Variants in INTS4 observed in about 807,000 individuals in gnomAD.
INTS4 encodes MSTP093.
INTS4 carries 70 observed loss-of-function variants against 119.5 expected under a neutral mutation model. That is an observed-to-expected ratio of 0.59 (90% confidence interval 0.48 to 0.71). The LOEUF is 0.71. INTS4 is among the 30% of genes least tolerant of loss of function. The probability of loss-of-function intolerance (pLI) is 0.00; values close to 1 mark genes in which losing one functional copy is unlikely to be tolerated. For missense variants in INTS4, 867 were observed against 1,173.2 expected (o/e 0.74, Z 3.81); for synonymous variants, 316 against 419.6 (o/e 0.75, Z 3.02).
At chr11:77,886,760 G>A (rs1033259890) in intron 21 of INTS4, among the ~76,000 whole-genome samples, 2 of 143,768 alleles carry the variant, frequency 1.4e-5, no homozygotes, top group South Asian at 4.5e-4. Context: ...CCGGCGAGGG[G>A]GCGGGGCAGG....
intron 15 of INTS4, among the ~76,000 whole-genome samples, chr11:77,913,307 A>T (rs865916732): frequency 4.1e-5 from 5 of 122,796 alleles, no homozygotes; most frequent in South Asian, 2.5e-4. Context: ...GTTAGTTTAA[A>T]TTTTTTTTTT....
chr11:77,926,029 A>C (rs1369131248), intron 11 of INTS4, among the ~76,000 whole-genome samples: 1 of 152,200 alleles, frequency 6.6e-6, no homozygotes, highest in Non-Finnish European at 1.5e-5. Flanking sequence ...TCACCATCTG[A>C]AATCATTTTG....
chr11:77,967,967 A>G (rs1417434238), intron 4 of INTS4, among the ~76,000 whole-genome samples: 2 of 152,202 alleles, frequency 1.3e-5, no homozygotes, highest in Non-Finnish European at 2.9e-5. Context: ...ACCCAAACCT[A>G]GATTGTAAAG....
rs1953455730 is a variant in INTS4 at position 77,924,850 on chromosome 11, A to AT, written c.1413dup (p.Cys472MetfsTer4). On this transcript the variant is annotated frameshift_variant, in exon 12 of 23. Transcript: ENST00000534064. LOFTEE classifies it high-confidence loss of function. ...TCTTTGGTTGAAACATTAGTACAGCATAAGAGTTCATGAAGAGCCTCTCGA... is the reference window on the plus strand; with the variant it reads ...TCTTTGGTTGAAACATTAGTACAGCATTAAGAGTTCATGAAGAGCCTCTCGA... 2 of 1,594,136 alleles carry AT rather than the reference A, an allele frequency of 1.3e-6. No homozygotes were observed. The highest frequency in any genetic ancestry group is 8.6e-7 in the Non-Finnish European group (1 of 1,162,844).
chr11:77,928,408 C>T lies in INTS4; in HGVS notation c.1305G>A (p.Met435Ile). 6.2e-7 allele frequency: 1 copy of T among 1,611,636 alleles called. No individual in the cohort carries two copies. Among genetic ancestry groups the T allele is most frequent in the Non-Finnish European group, 8.5e-7 (1 of 1,178,258 alleles). Reference sequence around the variant, plus strand: ...GGGTGATGTTGTTAGAGATTTTTCTCATGGTATGTATAGACTGCAGACGTA... The same window carrying T: ...GGGTGATGTTGTTAGAGATTTTTCTTATGGTATGTATAGACTGCAGACGTA... ...EEVRLQSIHT[M>I]RKISNNITLR... Residue 435 changes from methionine (M) to isoleucine (I), a missense_variant, in exon 11 of 23, where the codon ATG becomes ATA. Physicochemically the swap from Met to Ile is conservative, Grantham distance 10. Coordinates refer to ENST00000534064, the MANE Select transcript of INTS4 (RefSeq NM_033547.4).
In INTS4 at chr11:77,923,442, G is replaced by C. The variant is rs1953415417; in HGVS notation, c.1515-971C>G. 2.0e-5 allele frequency among the ~76,000 whole-genome samples: 3 copies of C among 151,898 alleles called. No individual in the cohort carries two copies. The South Asian group carries it at 6.2e-4, about 31-fold the overall frequency. ...TTGTTATGAAAAAACAGACTTATTG[G>C]CTAAGATATTTTTAATCAGATTGTC... On this transcript the variant is annotated intron_variant, in intron 12 of 22. Transcript: ENST00000534064.
chr11:77,907,312 G>A (rs1272513668), intron 16 of INTS4, among the ~76,000 whole-genome samples: 3 of 152,132 alleles, frequency 2.0e-5, no homozygotes, highest in Non-Finnish European at 4.4e-5. Flanking sequence ...GAGCTCAAGC[G>A]ATCCTCCTGC....
In INTS4 at chr11:77,949,520, A is replaced by AC. The variant is rs1491442630; in HGVS notation, c.918+6421_918+6422insG. The stretch of plus-strand genomic sequence containing the variant: ...CTACAAAGAACTTAAACAAATTTAC[A>AC]AAAAAAAAAAAAAAAACCATCAAAA... On this transcript the variant is annotated intron_variant, in intron 8 of 22. Coordinates refer to ENST00000534064, the MANE Select transcript of INTS4 (RefSeq NM_033547.4). Among the ~76,000 whole-genome samples, 110 of 86,572 alleles carry AC rather than the reference A, an allele frequency of 1.3e-3. 1 individual carries two copies. The highest frequency in any genetic ancestry group is 5.2e-3 in the African/African-American group (105 of 20,030). 56.8% of individuals were successfully genotyped at this position (86,572 alleles called of 152,430 possible).
intron 2 of INTS4, among the ~76,000 whole-genome samples, chr11:77,982,476 T>A (rs1856284012): frequency 1.3e-5 from 2 of 152,140 alleles, no homozygotes; most frequent in South Asian, 4.2e-4. Flanking sequence ...TGATTAGAAG[T>A]CTGGAGGAGG....
rs112991270 is a variant in INTS4 at position 77,961,443 on chromosome 11, G to C, written c.472-305C>G. ...GGTACTTTAAAATTCGTCCCTGATT[G>C]CGTTTTATTTGCTTTCAAATTTTAA... is the stretch of plus-strand genomic sequence containing the variant. On this transcript the variant is annotated intron_variant, in intron 4 of 22. Coordinates refer to ENST00000534064, the MANE Select transcript of INTS4 (RefSeq NM_033547.4). 6.2e-3 allele frequency among the ~76,000 whole-genome samples: 943 copies of C among 152,146 alleles called. 10 individuals carry two copies. The highest frequency in any genetic ancestry group is 0.022 in the African/African-American group (894 of 41,516).
intron 12 of INTS4, among the ~76,000 whole-genome samples, chr11:77,923,107 C>A (rs1416018687): frequency 6.6e-6 from 1 of 152,048 alleles, no homozygotes; most frequent in African/African-American, 2.4e-5. Flanking sequence ...ATCAGGAGGT[C>A]AAGAGATCAA....
chr11:77,922,313 T>C, intron 13 of INTS4, 43 bp downstream of exon 13: 1 of 1,540,480 alleles, frequency 6.5e-7, no homozygotes, highest in Middle Eastern at 2.4e-4. Context: ...ATGCCAAAGC[T>C]GCCTGCCAAC....
chr11:77,877,659 T>C (rs1253947117), downstream of INTS4, among the ~76,000 whole-genome samples: 2 of 152,234 alleles, frequency 1.3e-5, no homozygotes, highest in African/African-American at 4.8e-5. Context: ...ATTTGGCTAT[T>C]GTGAAGATTA....
chr11:77,989,716 C>T (rs1288040591), intron 2 of INTS4, among the ~76,000 whole-genome samples: 1 of 150,412 alleles, frequency 6.6e-6, no homozygotes, highest in African/African-American at 2.4e-5. Flanking sequence ...ATAGCAAAGC[C>T]CTGTCTCTAC....
intron 10 of INTS4, among the ~76,000 whole-genome samples, chr11:77,937,041 C>T (rs1327338825): frequency 6.6e-6 from 1 of 151,736 alleles, no homozygotes; most frequent in South Asian, 2.1e-4. Context: ...CGAGAGTGGT[C>T]GCGGGCACCT....
chr11:77,909,100 G>A lies in INTS4; in HGVS notation c.1923-1290C>T, dbSNP rs1423498166. 4.6e-5 allele frequency among the ~76,000 whole-genome samples: 7 copies of A among 152,136 alleles called. No individual in the cohort carries two copies. In the South Asian group the frequency reaches 1.0e-3, roughly 23 times the overall value. The stretch of plus-strand genomic sequence containing the variant: ...TTGGTGTGTCTGTCTGTCTCTCGCC[G>A]GACTGGGCAAGGATGTTTATAGCCC... On this transcript the variant is annotated intron_variant, in intron 15 of 22. Coordinates refer to ENST00000534064, the MANE Select transcript of INTS4 (RefSeq NM_033547.4).
chr11:77,961,413 G>T (rs1337932759), intron 4 of INTS4, among the ~76,000 whole-genome samples: 2 of 152,060 alleles, frequency 1.3e-5, no homozygotes, highest in African/African-American at 4.8e-5. Context: ...GCCTTGTACA[G>T]AGTAGGTACT....
intron 11 of INTS4, among the ~76,000 whole-genome samples, chr11:77,927,792 T>C (rs957323409): frequency 8.5e-5 from 13 of 152,348 alleles, no homozygotes; most frequent in African/African-American, 2.6e-4. Flanking sequence ...CTACCTTATC[T>C]ATAGCCACGT....
chr11:77,950,493 T>A (rs1954164478), intron 8 of INTS4, among the ~76,000 whole-genome samples: 1 of 151,970 alleles, frequency 6.6e-6, no homozygotes, highest in Non-Finnish European at 1.5e-5. Flanking sequence ...GAGAAATAAA[T>A]TCTGGTGTTC....
Sources: gnomAD v4.1 joint callset for allele counts (sites outside exome capture counted in the v4.1 genomes callset) on GRCh38, gnomAD v4.1.1 for gene constraint, MANE v1.5 for transcripts, NCBI Gene and HGNC (gene_info 2026-07-23, HGNC 2026-07-21) for gene names.